The following CACNA2D2 variants were observed in gnomAD, a reference collection of about 807,000 sequenced individuals.
CACNA2D2 encodes calcium voltage-gated channel auxiliary subunit alpha2delta 2, also known as voltage-dependent calcium channel subunit alpha-2/delta-2.
Under a neutral mutation model 166.4 loss-of-function variants are expected in CACNA2D2, and 48 were observed. That is an observed-to-expected ratio of 0.29 (90% CI 0.23 to 0.37). The LOEUF is 0.37. Ranked by LOEUF, CACNA2D2 falls within the 10% of genes least tolerant of loss-of-function variation. The probability of loss-of-function intolerance (pLI) is 1.00; values close to 1 mark genes in which losing one functional copy is unlikely to be tolerated. For synonymous variants in CACNA2D2, 561 were observed against 573.7 expected, an observed-to-expected ratio of 0.98 and a Z score of 0.32; for missense variants, 1,122 against 1,433.0, an observed-to-expected ratio of 0.78 and a Z score of 3.50.
intron 2 of CACNA2D2, among the ~76,000 whole-genome samples, chr3:50,457,394 G>A (rs1709407676): frequency 6.6e-6 from 1 of 152,182 alleles, no homozygotes. Context: ...ATCGTTCCTT[G>A]TAACCAGCAG....
chr3:50,387,824 G>A (rs183133565), intron 4 of CACNA2D2, among the ~76,000 whole-genome samples: 1 of 152,276 alleles, frequency 6.6e-6, no homozygotes, highest in East Asian at 1.9e-4. Context: ...CAGGCTCCAG[G>A]AGCATGCAGT....
intron 2 of CACNA2D2, among the ~76,000 whole-genome samples, chr3:50,465,927 A>G (rs868705063): frequency 6.6e-6 from 1 of 152,210 alleles, no homozygotes; most frequent in South Asian, 2.1e-4. Context: ...GAATCACCTG[A>G]CCATGCCTGC....
intron 2 of CACNA2D2, among the ~76,000 whole-genome samples, chr3:50,465,576 G>A (rs1009993697): frequency 2.0e-5 from 3 of 152,188 alleles, no homozygotes; most frequent in South Asian, 2.1e-4. Flanking sequence ...CCCAAATGAC[G>A]AACATGAAAC....
chr3:50,481,158 TC>T (rs1575758713), intron 1 of CACNA2D2, among the ~76,000 whole-genome samples: 1 of 151,874 alleles, frequency 6.6e-6, no homozygotes, highest in East Asian at 1.9e-4. Flanking sequence ...AGGTTCACCC[TC>T]AGAGGGCACG....
chr3:50,441,410 C>T lies in CACNA2D2; in HGVS notation c.289-6981G>A, dbSNP rs561496267. On this transcript the variant is annotated intron_variant, in intron 2 of 37. Transcript: ENST00000424201. ...ACTTGCTGCTGAGAATGGGAAATTA[C>T]GCTGCCTCGTTACGCTGTAAAATCC... is the stretch of plus-strand genomic sequence containing the variant. 2.0e-5 allele frequency among the ~76,000 whole-genome samples: 3 copies of T among 152,330 alleles called. No homozygotes were observed. In the South Asian group the frequency reaches 6.2e-4, roughly 32 times the overall value.
chr3:50,400,672 T>C (rs1575630893), intron 3 of CACNA2D2, among the ~76,000 whole-genome samples: 1 of 152,352 alleles, frequency 6.6e-6, no homozygotes, highest in East Asian at 1.9e-4. Flanking sequence ...CCAGTGGCTG[T>C]GCTTTCCTGT....
chr3:50,483,069 G>A (rs757527924), intron 1 of CACNA2D2, among the ~76,000 whole-genome samples: 1 of 152,212 alleles, frequency 6.6e-6, no homozygotes, highest in Non-Finnish European at 1.5e-5. Flanking sequence ...TGAGAGGGAA[G>A]CATGCTTGCT....
At chr3:50,378,381 TC>T in intron 13 of CACNA2D2, 48 bp from the exon 14 acceptor site, 1 of 1,535,426 alleles carries the variant, frequency 6.5e-7, no homozygotes, top group Non-Finnish European at 8.8e-7. Context: ...CACTGCAGGA[TC>T]CATGTGCAGA....
At position 50,363,188 on chromosome 3, in the gene CACNA2D2, C is replaced by T. The variant is rs950989578; in HGVS notation, c.*1478G>A. On this transcript the variant is annotated 3_prime_UTR_variant, in exon 38 of 38. Transcript: ENST00000424201. Reference sequence around the variant, plus strand: ...TACACTACAGTTACACGCACGCCCCCGAAGGACACAGCTGGCATCCAGGCC... The same window carrying T: ...TACACTACAGTTACACGCACGCCCCTGAAGGACACAGCTGGCATCCAGGCC... The T allele has an allele frequency of 2.0e-5, 8 of 398,788 alleles. No homozygotes were observed. Among genetic ancestry groups the T allele is most frequent in the East Asian group, 7.1e-5 (2 of 28,092 alleles). The allele number at this position is 398,788 out of a possible 1,614,324, so 24.7% of individuals were successfully genotyped here.
In CACNA2D2 at chr3:50,364,108, A is replaced by T. The variant is rs1704079638; in HGVS notation, c.*558T>A. On this transcript the variant is annotated 3_prime_UTR_variant, in exon 38 of 38. Transcript: ENST00000424201. ...TGTCTGAACTGGTATCACTGTGACTATCCTGACACCTGGTGGGCTTGGGGA... is the reference window on the plus strand; with the variant it reads ...TGTCTGAACTGGTATCACTGTGACTTTCCTGACACCTGGTGGGCTTGGGGA... 1 of 156,708 alleles carries T rather than the reference A, an allele frequency of 6.4e-6. No individual in the cohort carries two copies. Among genetic ancestry groups the T allele is most frequent in the African/African-American group, 2.4e-5 (1 of 41,512 alleles). 9.7% of individuals were successfully genotyped at this position (156,708 alleles called of 1,614,324 possible). A position where few individuals can be genotyped will look rare whatever the true frequency, so the allele number is the denominator to read the frequency against.
chr3:50,429,019 C>T (rs1446800894), intron 3 of CACNA2D2, among the ~76,000 whole-genome samples: 1 of 151,896 alleles, frequency 6.6e-6, no homozygotes, highest in Non-Finnish European at 1.5e-5. Context: ...TGCCTGAGCC[C>T]AGGAGTTCGA....
intron 2 of CACNA2D2, among the ~76,000 whole-genome samples, chr3:50,473,184 T>C (rs1160039204): frequency 3.9e-5 from 6 of 152,202 alleles, no homozygotes; most frequent in Admixed American, 2.6e-4. Context: ...AGTGCCCACA[T>C]GCCACAGAAG....
chr3:50,476,183 G>T lies in CACNA2D2; in HGVS notation c.223C>A (p.Arg75=). Residue 75 remains arginine, a synonymous_variant, in exon 2 of 38, where the codon CGG becomes AGG. Coordinates refer to ENST00000424201, the MANE Select transcript of CACNA2D2 (RefSeq NM_006030.4). ...PQQHTMQHWA[R]RLEQEVDGVM... is the part of the protein sequence containing the mutation. ...CCGTCGACCTCCTGCTCCAGACGCC[G>T]GGCCCAGTGCTGCATCCTGTATGCA... is the stretch of plus-strand genomic sequence containing the variant. The T allele has an allele frequency of 6.3e-7, 1 of 1,593,948 alleles. No individual in the cohort carries two copies.
intron 1 of CACNA2D2, among the ~76,000 whole-genome samples, chr3:50,499,929 G>C (rs1387708214): frequency 6.6e-6 from 1 of 152,150 alleles, no homozygotes; most frequent in Non-Finnish European, 1.5e-5. Flanking sequence ...GTGAGCACCT[G>C]GCAGCTCTGC....
chr3:50,384,865 T>C lies in CACNA2D2; in HGVS notation c.511-528A>G, dbSNP rs587689521. 1.9e-4 allele frequency among the ~76,000 whole-genome samples: 29 copies of C among 152,340 alleles called. No homozygotes were observed. The South Asian group carries it at 6.0e-3, about 32-fold the overall frequency. ...CCATCTAAGGCAGGGCACTATCCCC[T>C]GCAGCCGGATGGCTCTAGGGTCTGA... On this transcript the variant is annotated intron_variant, in intron 5 of 37. Coordinates refer to ENST00000424201, the MANE Select transcript of CACNA2D2 (RefSeq NM_006030.4).
chr3:50,439,520 C>T (rs61215583), intron 2 of CACNA2D2, among the ~76,000 whole-genome samples: 11 of 152,234 alleles, frequency 7.2e-5, no homozygotes, highest in Admixed American at 1.3e-4. Flanking sequence ...GCCTGAGCCC[C>T]GAGGCATGAC....
chr3:50,484,345 A>G (rs1442882448), intron 1 of CACNA2D2, among the ~76,000 whole-genome samples: 1 of 151,994 alleles, frequency 6.6e-6, no homozygotes, highest in African/African-American at 2.4e-5. Context: ...TCTGCCTGGC[A>G]CCTGCCTTCC....
In CACNA2D2 at chr3:50,362,898, TTTC is replaced by T. The variant is rs1372611039; in HGVS notation, c.*1765_*1767del. 1 of 389,816 alleles carries T rather than the reference TTTC, an allele frequency of 2.6e-6. No homozygotes were observed. The highest frequency in any genetic ancestry group is 4.5e-6 in the Non-Finnish European group (1 of 221,156). The allele number at this position is 389,816 out of a possible 1,614,324, so 24.1% of individuals were successfully genotyped here. A position where few individuals can be genotyped will look rare whatever the true frequency, so the allele number is the denominator to read the frequency against. ...ATCACACACACGATATTTTACAAAGTTTCTTGACTTTTTTGTCGCTGTTGTTTT... is the reference window on the plus strand; with the variant it reads ...ATCACACACACGATATTTTACAAAGTTTGACTTTTTTGTCGCTGTTGTTTT... On this transcript the variant is annotated 3_prime_UTR_variant, in exon 38 of 38. Transcript: ENST00000424201.
At chr3:50,373,497 G>A (rs1223911236) in intron 22 of CACNA2D2, among the ~76,000 whole-genome samples, 1 of 122,606 alleles carries the variant, frequency 8.2e-6, no homozygotes, top group African/African-American at 3.3e-5. Flanking sequence ...AGGAAGGAGG[G>A]GGGCCAGGGA....
Sources: allele counts gnomAD v4.1 joint callset (sites outside exome capture counted in the v4.1 genomes callset), GRCh38; gene constraint gnomAD v4.1.1; transcripts MANE v1.5; gene names NCBI Gene and HGNC (gene_info 2026-07-23, HGNC 2026-07-21).